SLIT3: variants seen among roughly 807,000 people sequenced by gnomAD.
SLIT3 encodes slit guidance ligand 3.
Under a neutral mutation model 184.0 loss-of-function variants are expected in SLIT3, and 68 were observed. The observed-to-expected ratio is 0.37, with a 90% CI of 0.30 to 0.45. The LOEUF is 0.45. Among genes scored for constraint, SLIT3 ranks in the 20% least tolerant of loss-of-function variants. SLIT3 has a pLI of 1.00. For synonymous variants in SLIT3, 831 were observed against 828.6 expected, an observed-to-expected ratio of 1.00 and a Z score of -0.05; for missense variants, 1,707 against 2,026.0, an observed-to-expected ratio of 0.84 and a Z score of 3.02.
At chr5:169,227,927 G>A (rs1764867713) in intron 3 of SLIT3, among the ~76,000 whole-genome samples, 1 of 152,152 alleles carries the variant, frequency 6.6e-6, no homozygotes, top group Non-Finnish European at 1.5e-5. Context: ...TAAAATATCA[G>A]CATTTTGGCA....
At chr5:168,915,162 A>G (rs954208746) in intron 4 of SLIT3, among the ~76,000 whole-genome samples, 4 of 152,196 alleles carry the variant, frequency 2.6e-5, no homozygotes, top group African/African-American at 4.8e-5. Flanking sequence ...CACGGTAACC[A>G]CATAGTCTGG....
intron 26 of SLIT3, 68 bp downstream of exon 26, chr5:168,707,908 C>A (rs1762424359): frequency 2.5e-6 from 4 of 1,597,854 alleles, no homozygotes; most frequent in African/African-American, 2.7e-5. Context: ...CATGGTGCCC[C>A]TCTCTAGGGC....
chr5:168,852,175 G>A (rs190256001), intron 5 of SLIT3, among the ~76,000 whole-genome samples: 2 of 152,334 alleles, frequency 1.3e-5, no homozygotes, highest in East Asian at 3.9e-4. Context: ...AACCATCTGT[G>A]GTTCCTCCCC....
intron 4 of SLIT3, among the ~76,000 whole-genome samples, chr5:168,942,930 T>TG (rs1294644815): frequency 6.6e-6 from 1 of 152,176 alleles, no homozygotes; most frequent in Non-Finnish European, 1.5e-5. Context: ...ATGCCTGCAG[T>TG]GGGCTAGGGG....
chr5:168,692,961 T>G (rs954004459), intron 28 of SLIT3, among the ~76,000 whole-genome samples: 3 of 152,150 alleles, frequency 2.0e-5, no homozygotes, highest in African/African-American at 7.2e-5. Flanking sequence ...ATTTGGCTGT[T>G]TTACTTGATC....
At chr5:169,142,129 G>C (rs1384871976) in intron 4 of SLIT3, among the ~76,000 whole-genome samples, 3 of 150,376 alleles carry the variant, frequency 2.0e-5, no homozygotes, top group Non-Finnish European at 4.5e-5. Flanking sequence ...ATAAAGTCAG[G>C]TCATGAGGGT....
intron 23 of SLIT3, among the ~76,000 whole-genome samples, chr5:168,718,711 CACACACACACACACACACAT>C (rs1270652685): frequency 6.7e-5 from 10 of 150,322 alleles, no homozygotes; most frequent in African/African-American, 2.5e-4. Flanking sequence ...CACACACACA[CACACACACACACACACACAT>C]TCTCTCTCTC....
At chr5:169,233,943 C>T (rs1333033982) in intron 3 of SLIT3, among the ~76,000 whole-genome samples, 8 of 152,208 alleles carry the variant, frequency 5.3e-5, no homozygotes, top group South Asian at 2.1e-4. Flanking sequence ...CCATCAACTT[C>T]GATGTTTGCT....
At chr5:169,006,717 C>T (rs1342490150) in intron 4 of SLIT3, among the ~76,000 whole-genome samples, 1 of 151,976 alleles carries the variant, frequency 6.6e-6, no homozygotes, top group African/African-American at 2.4e-5. Flanking sequence ...AAAGTTAATT[C>T]TTCACCTCCA....
At chr5:169,233,263 T>C (rs1765071854) in intron 3 of SLIT3, among the ~76,000 whole-genome samples, 1 of 152,224 alleles carries the variant, frequency 6.6e-6, no homozygotes, top group Non-Finnish European at 1.5e-5. Context: ...GACCTCGTGA[T>C]CTGCCCACCT....
At chr5:168,859,960 T>C (rs1759042531) in intron 5 of SLIT3, among the ~76,000 whole-genome samples, 1 of 151,572 alleles carries the variant, frequency 6.6e-6, no homozygotes, top group Admixed American at 6.6e-5. Flanking sequence ...TACTTATCTA[T>C]GATCCTACCT....
intron 4 of SLIT3, among the ~76,000 whole-genome samples, chr5:169,190,569 T>C (rs1315178155): frequency 6.6e-6 from 1 of 152,226 alleles, no homozygotes; most frequent in African/African-American, 2.4e-5. Context: ...ATTCAAAGCC[T>C]GTTTTTATTA....
chr5:169,099,039 C>T lies in SLIT3; in HGVS notation c.413+94440G>A, dbSNP rs945259892. Among the ~76,000 whole-genome samples, 6 of 151,934 alleles carry T rather than the reference C, an allele frequency of 3.9e-5. No individual in the cohort carries two copies. In the East Asian group the frequency reaches 5.8e-4, roughly 15 times the overall value. On this transcript the variant is annotated intron_variant, in intron 4 of 35. Coordinates refer to ENST00000519560, the MANE Select transcript of SLIT3 (RefSeq NM_003062.4). ...CCAGTTGCCTGGTGGCTACATCTAC[C>T]GCCTCTGCTTGACCTTCCAGAAATT...
At chr5:169,293,078 C>T (rs1212669545) in intron 1 of SLIT3, among the ~76,000 whole-genome samples, 2 of 152,136 alleles carry the variant, frequency 1.3e-5, no homozygotes, top group African/African-American at 2.4e-5. Context: ...GAGTACGAGG[C>T]CTATGCCCAA....
intron 20 of SLIT3, among the ~76,000 whole-genome samples, chr5:168,730,790 A>G (rs1411262810): frequency 1.3e-5 from 2 of 152,080 alleles, no homozygotes; most frequent in African/African-American, 4.8e-5. Context: ...ATCACAAATT[A>G]ACAACCTAAC....
At chr5:169,075,150 T>C (rs911203044) in intron 4 of SLIT3, among the ~76,000 whole-genome samples, 3 of 151,780 alleles carry the variant, frequency 2.0e-5, no homozygotes, top group South Asian at 2.1e-4. Flanking sequence ...CTGGGAGTGA[T>C]TGATTGTCTT....
intron 4 of SLIT3, among the ~76,000 whole-genome samples, chr5:168,959,174 A>G (rs1048413412): frequency 5.3e-5 from 8 of 152,244 alleles, no homozygotes; most frequent in African/African-American, 1.7e-4. Context: ...GAAATACCAC[A>G]TATCTGAGAA....
At chr5:168,962,737 AGCTGGGAGGGATGAAAGGTGGGCGCAGTG>A (rs1475344097) in intron 4 of SLIT3, among the ~76,000 whole-genome samples, 1 of 151,544 alleles carries the variant, frequency 6.6e-6, no homozygotes, top group Non-Finnish European at 1.5e-5. Flanking sequence ...GGATGAAGAA[AGCTGGGAGGGATGAAAGGTGGGCGCAGTG>A]GCTGCCTTTT....
At chr5:168,734,307 G>C (rs1763371614) in intron 20 of SLIT3, among the ~76,000 whole-genome samples, 1 of 152,184 alleles carries the variant, frequency 6.6e-6, no homozygotes, top group South Asian at 2.1e-4. Context: ...GAAATTAACT[G>C]TTAGAGCCCT....
Sources: gnomAD v4.1 joint callset for allele counts (sites outside exome capture counted in the v4.1 genomes callset) on GRCh38, gnomAD v4.1.1 for gene constraint, MANE v1.5 for transcripts, NCBI Gene and HGNC (gene_info 2026-07-23, HGNC 2026-07-21) for gene names.